Variants in RAB8B observed in about 807,000 individuals in gnomAD.
RAB8B encodes the protein RAB8B, member RAS oncogene family, also known as ras-related protein Rab-8B.
A neutral mutation model predicts 32.0 loss-of-function variants in RAB8B; 11 were observed. The observed-to-expected ratio is 0.34, with a 90% CI of 0.22 to 0.57. The LOEUF (loss-of-function observed/expected upper bound fraction) is 0.57, where lower values mean the gene tolerates loss of function less well. Among genes scored for constraint, RAB8B ranks in the 20% least tolerant of loss-of-function variants. The probability of loss-of-function intolerance (pLI) is 0.86; values close to 1 mark genes in which losing one functional copy is unlikely to be tolerated. For synonymous variants in RAB8B, 103 were observed against 89.6 expected, an observed-to-expected ratio of 1.15 and a Z score of -0.85; for missense variants, 190 against 258.5, an observed-to-expected ratio of 0.73 and a Z score of 1.82.
intron 1 of RAB8B, among the ~76,000 whole-genome samples, chr15:63,218,527 GT>G (rs2037813067): frequency 6.6e-6 from 1 of 152,182 alleles, no homozygotes; most frequent in Non-Finnish European, 1.5e-5. Context: ...CTAAGAGTTT[GT>G]GCTTTAGACA....
At position 63,244,749 on chromosome 15, in the gene RAB8B, C is replaced by A. The variant is rs2152576929; in HGVS notation, c.125-7C>A. On this transcript the variant is annotated splice_polypyrimidine_tract_variant and splice_region_variant and intron_variant, in intron 1 of 7. Transcript: ENST00000321437. ...ACTTAACATATCTTTCTTTGTTTTT[C>A]TGGCAGGAATTGATTTTAAAATTAG... The A allele has an allele frequency of 6.4e-7, 1 of 1,554,174 alleles. No individual in the cohort carries two copies. The highest frequency in any genetic ancestry group is 1.1e-5 in the South Asian group (1 of 87,808).
chr15:63,265,067 A>T lies in RAB8B; in HGVS notation c.*1448A>T, dbSNP rs1382721538. On this transcript the variant is annotated 3_prime_UTR_variant, in exon 8 of 8. Coordinates refer to ENST00000321437, the MANE Select transcript of RAB8B (RefSeq NM_016530.3). This position sits in a 1 kb window ranked among gnomAD's most constrained non-coding sequence, Gnocchi z 4.9. ...GCTCTAGCCTTCAGTGTCATAACACAGGGGGGATAAAACAGAGGGGATGAG... is the reference window on the plus strand; with the variant it reads ...GCTCTAGCCTTCAGTGTCATAACACTGGGGGGATAAAACAGAGGGGATGAG... 1.3e-5 allele frequency: 2 copies of T among 150,444 alleles called. No homozygotes were observed. Among genetic ancestry groups the T allele is most frequent in the Non-Finnish European group, 3.0e-5 (2 of 66,742 alleles). The allele number at this position is 150,444 out of a possible 1,614,324, so 9.3% of individuals were successfully genotyped here.
In RAB8B at chr15:63,265,472, T is replaced by C. The variant is rs1291320178; in HGVS notation, c.*1853T>C. The C allele has an allele frequency of 6.6e-6, 1 of 152,350 alleles. No homozygotes were observed. The highest frequency in any genetic ancestry group is 1.5e-5 in the Non-Finnish European group (1 of 68,000). The allele number at this position is 152,350 out of a possible 1,614,324, so 9.4% of individuals were successfully genotyped here. ...CGTGATTGAAAGTTTATTGTAATTC[T>C]ACTATCTTCAAATTAGATACATTTT... On this transcript the variant is annotated 3_prime_UTR_variant, in exon 8 of 8. Transcript: ENST00000321437. This position sits in a 1 kb window ranked among gnomAD's most constrained non-coding sequence, Gnocchi z 4.9.
chr15:63,259,687 G>A lies in RAB8B; in HGVS notation c.475G>A (p.Glu159Lys). The A allele has an allele frequency of 6.2e-7, 1 of 1,613,596 alleles. No individual in the cohort carries two copies. The highest frequency in any genetic ancestry group is 8.5e-7 in the Non-Finnish European group (1 of 1,179,500). ...ETSAKSSANV[E>K]EAFFTLARDI... is the part of the protein sequence containing the mutation. ...AAGCGCAAAATCCAGTGCAAATGTA[G>A]AAGAGGTAAGAAGGAAACGTTTGGT... The change falls in exon 6 of 8, where the codon GAA becomes AAA. Residue 159 changes from glutamate to lysine, a missense_variant. Transcript: ENST00000321437. The surrounding 1 kb of genome is among the most constrained non-coding windows in gnomAD (Gnocchi z 4.4).
In RAB8B at chr15:63,253,232, G is replaced by GA. The variant is rs571127838; in HGVS notation, c.247-2271dup. 7.9e-5 allele frequency among the ~76,000 whole-genome samples: 12 copies of GA among 152,230 alleles called. 1 individual carries two copies. The highest frequency in any genetic ancestry group is 2.9e-4 in the African/African-American group (12 of 41,544). ...GGATACATATACTACAGGAAACTTT[G>GA]AAAATCCCAAGAAATCATCTAAAAT... On this transcript the variant is annotated intron_variant, in intron 3 of 7. Transcript: ENST00000321437.
intron 1 of RAB8B, among the ~76,000 whole-genome samples, chr15:63,196,725 T>G (rs2037602893): frequency 6.6e-6 from 1 of 152,190 alleles, no homozygotes; most frequent in South Asian, 2.1e-4. Flanking sequence ...GATATTTGAG[T>G]TAAGATAAAA....
chr15:63,228,121 A>G (rs995342269), intron 1 of RAB8B, among the ~76,000 whole-genome samples: 3 of 152,116 alleles, frequency 2.0e-5, no homozygotes, highest in Non-Finnish European at 2.9e-5. Context: ...GGCTCAAGCA[A>G]TTCTCCCACC....
chr15:63,218,587 C>T (rs561904929), intron 1 of RAB8B, among the ~76,000 whole-genome samples: 109 of 152,276 alleles, frequency 7.2e-4, no homozygotes, highest in African/African-American at 2.2e-3. Flanking sequence ...GCAATTATTT[C>T]CTCATTTAAA....
chr15:63,248,525 CAAAT>C lies in RAB8B; in HGVS notation c.186-1110_186-1107del, dbSNP rs1478097034. 6.6e-6 allele frequency among the ~76,000 whole-genome samples: 1 copy of C among 151,940 alleles called. No individual in the cohort carries two copies. Among genetic ancestry groups the C allele is most frequent in the Non-Finnish European group, 1.5e-5 (1 of 67,972 alleles). On this transcript the variant is annotated intron_variant, in intron 2 of 7. Transcript: ENST00000321437. This position sits in a 1 kb window ranked among gnomAD's most constrained non-coding sequence, Gnocchi z 4.4. ...AGACTCCATCTCAAAAACAAACAAA[CAAAT>C]AAATAAATACATAAAGAATATGAGC...
intron 1 of RAB8B, among the ~76,000 whole-genome samples, chr15:63,202,359 A>G (rs2037660418): frequency 6.6e-6 from 1 of 152,160 alleles, no homozygotes; most frequent in Non-Finnish European, 1.5e-5. Flanking sequence ...GATGAAATCA[A>G]CCTCTCCTTG....
chr15:63,208,097 C>T (rs1352503412), intron 1 of RAB8B, among the ~76,000 whole-genome samples: 1 of 152,176 alleles, frequency 6.6e-6, no homozygotes, highest in Non-Finnish European at 1.5e-5. Flanking sequence ...CTTATCCCTC[C>T]CTTAAAAGTC....
chr15:63,263,657 C>A lies in RAB8B; in HGVS notation c.*38C>A, dbSNP rs201696255. On this transcript the variant is annotated 3_prime_UTR_variant, in exon 8 of 8. Coordinates refer to ENST00000321437, the MANE Select transcript of RAB8B (RefSeq NM_016530.3). ...GAGAGACTGCAGCACACCTAGAGGG[C>A]CCTTTCCTGCTTCTCTGAAAGCACA... is the stretch of plus-strand genomic sequence containing the variant. 6.7e-7 allele frequency: 1 copy of A among 1,498,716 alleles called. No homozygotes were observed. Among genetic ancestry groups the A allele is most frequent in the Admixed American group, 1.7e-5 (1 of 59,070 alleles). 92.8% of individuals were successfully genotyped at this position (1,498,716 alleles called of 1,614,324 possible).
chr15:63,219,003 G>GTTT (rs1567012548), intron 1 of RAB8B, among the ~76,000 whole-genome samples: 499 of 48,768 alleles, frequency 0.01, 9 homozygotes, highest in African/African-American at 0.025. Context: ...TCCAGCAGTG[G>GTTT]ATTTTTTTTT....
At chr15:63,231,758 G>A (rs1405304956) in intron 1 of RAB8B, among the ~76,000 whole-genome samples, 1 of 152,216 alleles carries the variant, frequency 6.6e-6, no homozygotes, top group Non-Finnish European at 1.5e-5. Context: ...AGTGGGGAAA[G>A]AAATGGAAGC....
At chr15:63,255,364 A>C (rs898920664) in intron 3 of RAB8B, 143 bp from the exon 4 acceptor site, 1 of 528,446 alleles carries the variant, frequency 1.9e-6, no homozygotes, top group African/African-American at 1.9e-5. Context: ...GTTTCTCTGT[A>C]CTTTTCAAAT....
chr15:63,219,003 G>GTTTTTTT (rs1567012548), intron 1 of RAB8B, among the ~76,000 whole-genome samples: 6 of 48,846 alleles, frequency 1.2e-4, no homozygotes, highest in African/African-American at 2.6e-4. Context: ...TCCAGCAGTG[G>GTTTTTTT]ATTTTTTTTT....
chr15:63,267,268 A>G lies in RAB8B; in HGVS notation c.*3649A>G, dbSNP rs2038256083. 1 of 152,700 alleles carries G rather than the reference A, an allele frequency of 6.5e-6. No homozygotes were observed. Among genetic ancestry groups the G allele is most frequent in the Admixed American group, 6.5e-5 (1 of 15,294 alleles). The allele number at this position is 152,700 out of a possible 1,614,324, so 9.5% of individuals were successfully genotyped here. On this transcript the variant is annotated 3_prime_UTR_variant, in exon 8 of 8. Transcript: ENST00000321437. The stretch of plus-strand genomic sequence containing the variant: ...ACTGAAATGTACAGAAATAAAAATT[A>G]GCAAACAATTATTCTAGGGATATTT...
intron 4 of RAB8B, 100 bp downstream of exon 4, chr15:63,255,684 G>C (rs1329342129): frequency 1.1e-6 from 1 of 942,524 alleles, no homozygotes; most frequent in Non-Finnish European, 1.7e-6. Flanking sequence ...TTAGAAGCAG[G>C]GCATGGGCAG....
intron 1 of RAB8B, among the ~76,000 whole-genome samples, chr15:63,241,240 G>A (rs1166354708): frequency 1.3e-5 from 2 of 152,150 alleles, no homozygotes; most frequent in Non-Finnish European, 2.9e-5. Context: ...TAGTCGCGAG[G>A]CTGAGGCAGG....
Sources: allele counts gnomAD v4.1 joint callset (sites outside exome capture counted in the v4.1 genomes callset), GRCh38; gene constraint gnomAD v4.1.1; non-coding constraint Gnocchi (gnomAD v3.1); transcripts MANE v1.5; gene names NCBI Gene and HGNC (gene_info 2026-07-23, HGNC 2026-07-21).